The following CNTNAP2 variants were observed in gnomAD, a reference collection of about 807,000 sequenced individuals.
CNTNAP2 encodes contactin-associated protein-like 2.
Under a neutral mutation model 155.2 loss-of-function variants are expected in CNTNAP2, and 98 were observed. That is an observed-to-expected ratio of 0.63 (90% CI 0.54 to 0.75). The LOEUF (loss-of-function observed/expected upper bound fraction) is 0.75, where lower values mean the gene tolerates loss of function less well. Ranked by LOEUF, CNTNAP2 falls within the 30% of genes least tolerant of loss-of-function variation. The pLI is 0.00. For missense variants in CNTNAP2, 1,727 were observed against 1,688.1 expected, an observed-to-expected ratio of 1.02 and a Z score of -0.40; for synonymous variants, 651 against 631.2, an observed-to-expected ratio of 1.03 and a Z score of -0.47.
At chr7:147,365,837 C>A (rs1796220318) in intron 9 of CNTNAP2, among the ~76,000 whole-genome samples, 1 of 152,140 alleles carries the variant, frequency 6.6e-6, no homozygotes, top group African/African-American at 2.4e-5. Flanking sequence ...AGAATTTCCT[C>A]TACTTAATGT....
chr7:148,253,013 G>C (rs867312843), intron 20 of CNTNAP2, among the ~76,000 whole-genome samples: 1 of 126,016 alleles, frequency 7.9e-6, no homozygotes, highest in Non-Finnish European at 1.7e-5. Flanking sequence ...TAGATACATA[G>C]ATAGATAGAT....
At chr7:147,867,756 TG>T (rs1306621827) in intron 13 of CNTNAP2, among the ~76,000 whole-genome samples, 3 of 152,188 alleles carry the variant, frequency 2.0e-5, no homozygotes, top group African/African-American at 7.2e-5. Context: ...TTGAAGATTG[TG>T]CATGCATCAC....
chr7:148,411,784 GAA>G (rs35153722), intron 23 of CNTNAP2, among the ~76,000 whole-genome samples: 2 of 145,080 alleles, frequency 1.4e-5, no homozygotes, highest in Non-Finnish European at 3.0e-5. Context: ...ACCATTTGTT[GAA>G]AAAAAAAAAA....
At chr7:148,171,886 A>G (rs1339235222) in intron 17 of CNTNAP2, among the ~76,000 whole-genome samples, 2 of 152,238 alleles carry the variant, frequency 1.3e-5, no homozygotes, top group Non-Finnish European at 2.9e-5. Context: ...AAGTAATGCT[A>G]CAGAACTCGA....
chr7:146,843,957 G>T (rs1803795069), intron 3 of CNTNAP2, among the ~76,000 whole-genome samples: 1 of 152,002 alleles, frequency 6.6e-6, no homozygotes, highest in Non-Finnish European at 1.5e-5. Context: ...GTTTACCTGA[G>T]AAATATAGAA....
At chr7:147,944,169 T>C (rs1326455959) in intron 14 of CNTNAP2, among the ~76,000 whole-genome samples, 1 of 152,202 alleles carries the variant, frequency 6.6e-6, no homozygotes, top group Non-Finnish European at 1.5e-5. Context: ...TGGTGTCTCA[T>C]TTTTTATTCT....
At chr7:147,469,560 C>T (rs548271142) in intron 10 of CNTNAP2, among the ~76,000 whole-genome samples, 1 of 122,656 alleles carries the variant, frequency 8.2e-6, no homozygotes, top group African/African-American at 3.0e-5. Flanking sequence ...GCTCTGCCGC[C>T]CAGGCTGGAG....
At chr7:148,157,463 C>G (rs1435138772) in intron 17 of CNTNAP2, among the ~76,000 whole-genome samples, 1 of 150,720 alleles carries the variant, frequency 6.6e-6, no homozygotes, top group Non-Finnish European at 1.5e-5. Flanking sequence ...TCCTTATAAA[C>G]TTTCTCCAGA....
intron 18 of CNTNAP2, among the ~76,000 whole-genome samples, chr7:148,210,882 G>T (rs1034107683): frequency 4.6e-5 from 7 of 152,210 alleles, no homozygotes; most frequent in African/African-American, 1.7e-4. Flanking sequence ...GGTACACTTG[G>T]GGAGAAAAAG....
intron 13 of CNTNAP2, among the ~76,000 whole-genome samples, chr7:147,809,722 G>T (rs1798150147): frequency 6.6e-6 from 1 of 152,078 alleles, no homozygotes; most frequent in South Asian, 2.1e-4. Context: ...ATTGTATTCT[G>T]GTGTGTTATG....
intron 19 of CNTNAP2, among the ~76,000 whole-genome samples, chr7:148,222,138 C>T (rs1256239083): frequency 1.3e-5 from 2 of 152,182 alleles, no homozygotes; most frequent in African/African-American, 2.4e-5. Flanking sequence ...GAAATTCTCT[C>T]CCAATCCATC....
At chr7:148,274,514 T>C (rs1002768018) in intron 21 of CNTNAP2, among the ~76,000 whole-genome samples, 1 of 152,188 alleles carries the variant, frequency 6.6e-6, no homozygotes, top group Non-Finnish European at 1.5e-5. Context: ...GCTTGGGCCA[T>C]CTCCTTGGTG....
chr7:147,604,100 A>T (rs1224000499), intron 12 of CNTNAP2, among the ~76,000 whole-genome samples: 1 of 152,194 alleles, frequency 6.6e-6, no homozygotes, highest in Non-Finnish European at 1.5e-5. Context: ...TAAACGTTAG[A>T]CCTAAAAACC....
chr7:147,209,138 T>C (rs1394001124), intron 8 of CNTNAP2, among the ~76,000 whole-genome samples: 1 of 152,104 alleles, frequency 6.6e-6, no homozygotes, highest in African/African-American at 2.4e-5. Flanking sequence ...TATTGCTAGA[T>C]TGATAAGAAT....
At chr7:147,882,528 C>T (rs1426864693) in intron 13 of CNTNAP2, among the ~76,000 whole-genome samples, 1 of 152,166 alleles carries the variant, frequency 6.6e-6, no homozygotes, top group Non-Finnish European at 1.5e-5. Context: ...GTCAACATTA[C>T]CCTTGCAGAT....
chr7:146,136,486 GA>G (rs1433588202), intron 1 of CNTNAP2, among the ~76,000 whole-genome samples: 1 of 152,180 alleles, frequency 6.6e-6, no homozygotes, highest in African/African-American at 2.4e-5. Context: ...AGTCAGGACA[GA>G]AGAGGGAGTA....
At chr7:147,655,132 TC>T (rs1360843534) in intron 13 of CNTNAP2, among the ~76,000 whole-genome samples, 1 of 147,990 alleles carries the variant, frequency 6.8e-6, no homozygotes, top group African/African-American at 2.5e-5. Flanking sequence ...TTTTCTTTTT[TC>T]TTTTTTCAAG....
intron 13 of CNTNAP2, among the ~76,000 whole-genome samples, chr7:147,729,430 A>G (rs750998679): frequency 1.6e-5 from 1 of 62,204 alleles, no homozygotes; most frequent in African/African-American, 2.0e-4. Flanking sequence ...ACACACACGC[A>G]CACACACACA....
intron 1 of CNTNAP2, among the ~76,000 whole-genome samples, chr7:146,496,570 C>G (rs1298177669): frequency 1.3e-5 from 2 of 152,294 alleles, no homozygotes; most frequent in East Asian, 1.9e-4. Context: ...CCCTTGTGAT[C>G]TTCTAGAAGG....
Sources: gnomAD v4.1 joint callset for allele counts (sites outside exome capture counted in the v4.1 genomes callset) on GRCh38, gnomAD v4.1.1 for gene constraint, MANE v1.5 for transcripts, NCBI Gene and HGNC (gene_info 2026-07-23, HGNC 2026-07-21) for gene names.